SCP2: variants seen among roughly 807,000 people sequenced by gnomAD.
The protein encoded by SCP2 is sterol carrier protein 2, also known as SCP-2/3-oxoacyl-CoA thiolase.
SCP2 carries 48 observed loss-of-function variants against 71.4 expected under a neutral mutation model. That is an observed-to-expected ratio of 0.67 (90% CI 0.53 to 0.86). The LOEUF (loss-of-function observed/expected upper bound fraction) is 0.86. SCP2 is among the 40% of genes least tolerant of loss of function. SCP2 has a pLI of 0.00. For missense variants in SCP2, 560 were observed against 655.6 expected, an observed-to-expected ratio of 0.85 and a Z score of 1.59; for synonymous variants, 220 against 218.1, an observed-to-expected ratio of 1.01 and a Z score of -0.08.
At chr1:53,002,111 G>A (rs1660353692) in intron 11 of SCP2, among the ~76,000 whole-genome samples, 1 of 151,586 alleles carries the variant, frequency 6.6e-6, no homozygotes, top group African/African-American at 2.4e-5. Context: ...GTGAGCCTGG[G>A]AGGCGGCGGA....
intron 11 of SCP2, chr1:52,994,724 C>T: frequency 2.8e-6 from 2 of 710,986 alleles, no homozygotes; most frequent in South Asian, 3.0e-5. Flanking sequence ...TAAATTTTAA[C>T]CATGAGGGAA....
At position 52,940,130 on chromosome 1, in the gene SCP2, C is replaced by T. The variant is rs557796627; in HGVS notation, c.70-1666C>T. Among the ~76,000 whole-genome samples the T allele has an allele frequency of 2.6e-5, 4 of 152,182 alleles. No homozygotes were observed. The South Asian group carries it at 8.3e-4, about 32-fold the overall frequency. On this transcript the variant is annotated intron_variant, in intron 1 of 15. Coordinates refer to ENST00000371514, the MANE Select transcript of SCP2 (RefSeq NM_002979.5). The stretch of plus-strand genomic sequence containing the variant: ...ATTTTAAAAAACATTGTCATCTGGG[C>T]ATGGTGGCTCACACCTGTAATTGCA...
intron 11 of SCP2, chr1:52,995,617 C>T: frequency 1.8e-6 from 1 of 571,258 alleles, no homozygotes; most frequent in Non-Finnish European, 3.4e-6. Flanking sequence ...ATAATGAGAC[C>T]CCTGCCACAG....
At chr1:52,985,632 A>G (rs973147454) in intron 10 of SCP2, among the ~76,000 whole-genome samples, 4 of 152,234 alleles carry the variant, frequency 2.6e-5, no homozygotes, top group Admixed American at 1.3e-4. Flanking sequence ...CAACTCACTC[A>G]GACGAACAAG....
At chr1:53,023,270 A>G (rs1055530376) in intron 12 of SCP2, among the ~76,000 whole-genome samples, 1 of 152,224 alleles carries the variant, frequency 6.6e-6, no homozygotes, top group Non-Finnish European at 1.5e-5. Context: ...GGAACATGCA[A>G]GATGTGGCAA....
intron 11 of SCP2, chr1:52,995,867 G>A: frequency 7.4e-7 from 1 of 1,352,896 alleles, no homozygotes. Flanking sequence ...CCCCTGGAAG[G>A]CCTTCCTCCA....
chr1:53,021,681 G>C (rs11580449), intron 12 of SCP2, among the ~76,000 whole-genome samples: 9,496 of 125,634 alleles, frequency 0.076, 426 homozygotes, highest in Middle Eastern at 0.16. Flanking sequence ...GTCTTGCCTT[G>C]TCACCCAGGC....
rs548777197 is a variant in SCP2, at chr1:53,023,155, T to C, written c.1236-4814T>C. ...ATGAGGGGTTTTCAGAAAACATTGA[T>C]AAAACTTTACATATTAACTTTTAAT... On this transcript the variant is annotated intron_variant, in intron 12 of 15. Transcript: ENST00000371514. Among the ~76,000 whole-genome samples, 4 of 152,314 alleles carry C rather than the reference T, an allele frequency of 2.6e-5. No individual in the cohort carries two copies. In the East Asian group the frequency reaches 7.7e-4, roughly 29 times the overall value.
intron 14 of SCP2, among the ~76,000 whole-genome samples, chr1:53,040,198 C>CT (rs1254320492): frequency 6.6e-6 from 1 of 152,214 alleles, no homozygotes; most frequent in Non-Finnish European, 1.5e-5. Context: ...CATTGAAAAA[C>CT]TTGTCGAATT....
Position 52,927,295 on chromosome 1 carries a change from C to A in SCP2, c.-102C>A, listed in dbSNP as rs867378228. On this transcript the variant is annotated 5_prime_UTR_variant, in exon 1 of 16. Coordinates refer to ENST00000371514, the MANE Select transcript of SCP2 (RefSeq NM_002979.5). ...ACTCTCACGCGCCTGTGTTGCCGCCCGCGGCCCTGGCTTCGGGCTTCAGGG... is the reference window on the plus strand; with the variant it reads ...ACTCTCACGCGCCTGTGTTGCCGCCAGCGGCCCTGGCTTCGGGCTTCAGGG... The A allele has an allele frequency of 1.8e-5, 19 of 1,043,336 alleles. No individual in the cohort carries two copies. Among genetic ancestry groups the A allele is most frequent in the Non-Finnish European group, 2.7e-5 (19 of 696,294 alleles). The allele number at this position is 1,043,336 out of a possible 1,614,324, so 64.6% of individuals were successfully genotyped here.
intron 11 of SCP2, among the ~76,000 whole-genome samples, chr1:52,991,642 G>C (rs1229773077): frequency 6.6e-6 from 1 of 151,862 alleles, no homozygotes; most frequent in Non-Finnish European, 1.5e-5. Flanking sequence ...CTTGTGATCT[G>C]CCTGCCTCGG....
chr1:52,936,327 C>T (rs1457882231), intron 1 of SCP2, among the ~76,000 whole-genome samples: 2 of 152,158 alleles, frequency 1.3e-5, no homozygotes, highest in African/African-American at 2.4e-5. Flanking sequence ...TCCTCAAGAG[C>T]GTAAAGGGGT....
rs755360804 is a variant in SCP2 at position 52,938,037 on chromosome 1, AT to A, written c.70-3757del. Among the ~76,000 whole-genome samples the A allele has an allele frequency of 3.9e-5, 6 of 152,302 alleles. No homozygotes were observed. In the East Asian group the frequency reaches 1.2e-3, roughly 29 times the overall value. On this transcript the variant is annotated intron_variant, in intron 1 of 15. Coordinates refer to ENST00000371514, the MANE Select transcript of SCP2 (RefSeq NM_002979.5). ...GGCATTGCCACAGCATAGTAGGTAAATTGTCATGCTGTTGGTGGCTGTGTCT... is the reference window on the plus strand; with the variant it reads ...GGCATTGCCACAGCATAGTAGGTAAATGTCATGCTGTTGGTGGCTGTGTCT...
intron 5 of SCP2, among the ~76,000 whole-genome samples, chr1:52,955,782 A>G (rs2150133166): frequency 6.6e-6 from 1 of 152,300 alleles, no homozygotes; most frequent in East Asian, 1.9e-4. Flanking sequence ...ATAACCAAGG[A>G]TTAAAGAAAC....
At chr1:52,978,793 C>A (rs1210217695) in intron 9 of SCP2, among the ~76,000 whole-genome samples, 1 of 152,020 alleles carries the variant, frequency 6.6e-6, no homozygotes, top group Non-Finnish European at 1.5e-5. Flanking sequence ...GAATTCCTGG[C>A]TCAAGTGATC....
chr1:52,970,953 T>C (rs1657417378), intron 6 of SCP2, among the ~76,000 whole-genome samples: 1 of 150,420 alleles, frequency 6.6e-6, no homozygotes, highest in South Asian at 2.1e-4. Context: ...TTTTAGAGGC[T>C]ATAGAGAGAC....
intron 11 of SCP2, among the ~76,000 whole-genome samples, chr1:53,002,979 AATTAGCTTTTC>A (rs1418277913): frequency 6.6e-6 from 1 of 152,198 alleles, no homozygotes; most frequent in Non-Finnish European, 1.5e-5. Flanking sequence ...AGTAAGAGCT[AATTAGCTTTTC>A]ACCAAAATTT....
intron 13 of SCP2, among the ~76,000 whole-genome samples, chr1:53,029,266 GTT>G (rs201716383): frequency 0.04 from 5,553 of 140,336 alleles, 209 homozygotes; most frequent in East Asian, 0.21. Context: ...ATCTCTTTCT[GTT>G]TTTTTTTTTT....
At chr1:53,050,287 T>C (rs963858998) in intron 15 of SCP2, 1 of 255,096 alleles carries the variant, frequency 3.9e-6, no homozygotes, top group Non-Finnish European at 7.7e-6. Context: ...CAGTTCATAT[T>C]TCCCACCTAC....
Sources: gnomAD v4.1 joint callset for allele counts (sites outside exome capture counted in the v4.1 genomes callset) on GRCh38, gnomAD v4.1.1 for gene constraint, MANE v1.5 for transcripts, NCBI Gene and HGNC (gene_info 2026-07-23, HGNC 2026-07-21) for gene names.